UBE4B: variants seen among roughly 807,000 people sequenced by gnomAD.
UBE4B encodes ubiquitination factor E4B.
UBE4B carries 27 observed loss-of-function variants against 148.1 expected under a neutral mutation model. That is an observed-to-expected ratio of 0.18 (90% CI 0.13 to 0.25). The LOEUF (loss-of-function observed/expected upper bound fraction) is 0.25. Ranked by LOEUF, UBE4B falls within the 10% of genes least tolerant of loss-of-function variation. The probability of loss-of-function intolerance (pLI) is 1.00; values close to 1 mark genes in which losing one functional copy is unlikely to be tolerated. For synonymous variants in UBE4B, 596 were observed against 619.3 expected, an observed-to-expected ratio of 0.96 and a Z score of 0.56; for missense variants, 1,170 against 1,662.4, an observed-to-expected ratio of 0.70 and a Z score of 5.15.
intron 22 of UBE4B, 74 bp downstream of exon 22, chr1:10,158,556 C>G: frequency 6.4e-7 from 1 of 1,556,728 alleles, no homozygotes; most frequent in Middle Eastern, 1.7e-4. Flanking sequence ...TAAAAGCATG[C>G]ACAGCTGGGT....
At chr1:10,176,934 C>T (rs1489113284) in intron 25 of UBE4B, among the ~76,000 whole-genome samples, 2 of 151,346 alleles carry the variant, frequency 1.3e-5, no homozygotes, top group Non-Finnish European at 1.5e-5. Context: ...TACAGGCGTG[C>T]ACCATCACGC....
At chr1:10,113,352 C>T (rs1334602428) in intron 7 of UBE4B, among the ~76,000 whole-genome samples, 1 of 152,192 alleles carries the variant, frequency 6.6e-6, no homozygotes, top group African/African-American at 2.4e-5. Flanking sequence ...CCACTAGGCC[C>T]GTGCTCCAAC....
chr1:10,088,014 A>C (rs944128591), intron 2 of UBE4B, among the ~76,000 whole-genome samples: 1 of 152,196 alleles, frequency 6.6e-6, no homozygotes, highest in Non-Finnish European at 1.5e-5. Context: ...GAATTATTCC[A>C]GCTTTGACCA....
intron 3 of UBE4B, among the ~76,000 whole-genome samples, chr1:10,097,873 G>A (rs28671063): frequency 0.087 from 13,170 of 151,972 alleles, 1,196 homozygotes; most frequent in African/African-American, 0.23. Context: ...TCAAGCATTT[G>A]TCCTTATTTT....
chr1:10,148,903 G>A (rs965571128), intron 19 of UBE4B, among the ~76,000 whole-genome samples: 8 of 152,058 alleles, frequency 5.3e-5, no homozygotes, highest in Non-Finnish European at 8.8e-5. Context: ...TTGCACCACT[G>A]CACTCCAGCC....
intron 8 of UBE4B, 29 bp from the exon 9 acceptor site, chr1:10,119,484 T>C (rs757343142): frequency 1.2e-6 from 2 of 1,606,966 alleles, no homozygotes; most frequent in East Asian, 2.2e-5. Flanking sequence ...TTGTTTCTTG[T>C]CGTCCTCACT....
chr1:10,121,555 A>G (rs551096599), intron 9 of UBE4B, among the ~76,000 whole-genome samples: 1 of 152,048 alleles, frequency 6.6e-6, no homozygotes, highest in South Asian at 2.1e-4. Context: ...CATCTTGCCC[A>G]GTTGATATTT....
intron 1 of UBE4B, among the ~76,000 whole-genome samples, chr1:10,062,528 G>A (rs1644305508): frequency 6.9e-6 from 1 of 145,568 alleles, no homozygotes; most frequent in Non-Finnish European, 1.5e-5. Context: ...GGCGAGGCTG[G>A]TCTCGAACTC....
At chr1:10,088,232 C>A (rs1557541906) in intron 2 of UBE4B, among the ~76,000 whole-genome samples, 1 of 152,162 alleles carries the variant, frequency 6.6e-6, no homozygotes, top group African/African-American at 2.4e-5. Flanking sequence ...TGCCTTTTGA[C>A]ACTAAGGAGA....
At chr1:10,116,687 G>C (rs1483060866) in intron 7 of UBE4B, among the ~76,000 whole-genome samples, 4 of 152,088 alleles carry the variant, frequency 2.6e-5, no homozygotes, top group African/African-American at 9.7e-5. Flanking sequence ...TTTTATCTCA[G>C]AGGATAGTTA....
rs12038643 is a variant in UBE4B at position 10,046,673 on chromosome 1, G to A, written c.24+12979G>A. On this transcript the variant is annotated intron_variant, in intron 1 of 27. Coordinates refer to ENST00000343090, the MANE Select transcript of UBE4B (RefSeq NM_001105562.3). The stretch of plus-strand genomic sequence containing the variant: ...CTGTAGCCTCTGACTTTATTTTCTG[G>A]AGAGTTTTTCTGTGTTTCTTTTCCT... Among the ~76,000 whole-genome samples the A allele has an allele frequency of 5.8e-4, 88 of 152,192 alleles. No individual in the cohort carries two copies. In the East Asian group the frequency reaches 0.015, roughly 25 times the overall value.
At chr1:10,037,663 T>C (rs998111607) in intron 1 of UBE4B, among the ~76,000 whole-genome samples, 8 of 152,032 alleles carry the variant, frequency 5.3e-5, no homozygotes, top group Non-Finnish European at 1.0e-4. Context: ...GCTCAAGTGA[T>C]CCTCCCACCT....
intron 17 of UBE4B, among the ~76,000 whole-genome samples, chr1:10,142,680 A>G (rs1259879054): frequency 1.3e-5 from 2 of 151,914 alleles, no homozygotes; most frequent in African/African-American, 4.8e-5. Flanking sequence ...AAAAAAGAAG[A>G]TGAAGGTTGC....
intron 3 of UBE4B, chr1:10,100,877 G>T: frequency 2.1e-6 from 1 of 487,196 alleles, no homozygotes. Context: ...TAAAAAGTAA[G>T]CCCAAGAAAA....
chr1:10,074,027 C>T (rs933294465), intron 2 of UBE4B, among the ~76,000 whole-genome samples: 2 of 141,018 alleles, frequency 1.4e-5, no homozygotes, highest in African/African-American at 5.2e-5. Flanking sequence ...CAGCTTAAAA[C>T]TCCCAGGCTC....
chr1:10,087,039 C>G (rs1297702115), intron 2 of UBE4B, among the ~76,000 whole-genome samples: 2 of 152,156 alleles, frequency 1.3e-5, no homozygotes, highest in Admixed American at 6.5e-5. Flanking sequence ...GTTGTGGTAA[C>G]AAGGCAAATC....
intron 21 of UBE4B, among the ~76,000 whole-genome samples, chr1:10,156,771 C>CT (rs1233582628): frequency 1.3e-5 from 2 of 152,080 alleles, no homozygotes; most frequent in Non-Finnish European, 2.9e-5. Flanking sequence ...TACATAAGTA[C>CT]TTTCGGATCT....
At chr1:10,140,600 A>G (rs995085587) in intron 17 of UBE4B, among the ~76,000 whole-genome samples, 1 of 152,328 alleles carries the variant, frequency 6.6e-6, no homozygotes, top group Non-Finnish European at 1.5e-5. Context: ...CTCCTGGGAT[A>G]CAGTCACTCC....
intron 24 of UBE4B, among the ~76,000 whole-genome samples, chr1:10,170,131 G>A (rs1290187576): frequency 6.6e-6 from 1 of 152,146 alleles, no homozygotes; most frequent in Non-Finnish European, 1.5e-5. Flanking sequence ...CATTTCCTTT[G>A]CTACACTATT....
Sources: allele counts gnomAD v4.1 joint callset (sites outside exome capture counted in the v4.1 genomes callset), GRCh38; gene constraint gnomAD v4.1.1; transcripts MANE v1.5; gene names NCBI Gene and HGNC (gene_info 2026-07-23, HGNC 2026-07-21).